The following RTL4 variants were observed in gnomAD, a reference collection of about 807,000 sequenced individuals.
RTL4 encodes the protein retrotransposon Gag-like protein 4.
A neutral mutation model predicts 5.3 loss-of-function variants in RTL4; 4 were observed. The observed-to-expected ratio is 0.75, with a 90% CI of 0.37 to 1.72. The LOEUF is 1.72. RTL4 is among the 40% of genes most tolerant of loss of function. RTL4 has a pLI of 0.04. For missense variants in RTL4, 260 were observed against 227.1 expected, an observed-to-expected ratio of 1.14 and a Z score of -0.93; for synonymous variants, 98 against 87.3, an observed-to-expected ratio of 1.12 and a Z score of -0.68.
the RTL4 span, among the ~76,000 whole-genome samples, chrX:112,336,577 G>T: frequency 2.7e-5 from 3 of 111,871 alleles, no homozygotes; most frequent in African/African-American, 9.7e-5. Context: ...TTCTAAAACC[G>T]TACTGTGCAA....
the RTL4 span, among the ~76,000 whole-genome samples, chrX:112,154,887 T>G: frequency 9.0e-6 from 1 of 111,697 alleles, no homozygotes; most frequent in African/African-American, 3.3e-5. Context: ...GTATTGAAAT[T>G]TAATTGCCAA....
chrX:112,441,321 C>T, the RTL4 span, among the ~76,000 whole-genome samples: 1 of 111,327 alleles, frequency 9.0e-6, no homozygotes, highest in East Asian at 2.8e-4. Context: ...TAGACTGCCT[C>T]CTTTTACCCA....
At chrX:112,374,405 G>A in the RTL4 span, among the ~76,000 whole-genome samples, 3 of 111,283 alleles carry the variant, frequency 2.7e-5, no homozygotes, top group African/African-American at 9.8e-5. Flanking sequence ...TAACTTTATA[G>A]TAAAATTTAA....
the RTL4 span, among the ~76,000 whole-genome samples, chrX:112,353,003 C>T: frequency 5.4e-5 from 6 of 111,586 alleles, no homozygotes; most frequent in Non-Finnish European, 1.1e-4. Context: ...ACAAACAACC[C>T]CATCAAAAAG....
the RTL4 span, among the ~76,000 whole-genome samples, chrX:112,245,949 C>G: frequency 1.8e-5 from 2 of 112,605 alleles, no homozygotes; most frequent in East Asian, 5.6e-4. Flanking sequence ...TTCTAACAGT[C>G]AGGTCCCTCA....
At chrX:112,457,111 C>A (rs1602583878) in exon 1 of RTL4, 2 of 123,248 alleles carry the variant, frequency 1.6e-5, no homozygotes, top group African/African-American at 6.5e-5. Context: ...ACCATCAAGG[C>A]CTCTCAGAAC....
chrX:112,368,772 A>T, the RTL4 span, among the ~76,000 whole-genome samples: 1 of 112,320 alleles, frequency 8.9e-6, no homozygotes, highest in Non-Finnish European at 1.9e-5. Context: ...CTGACAAGCT[A>T]AAGTGCTTAT....
chrX:112,215,172 G>T, the RTL4 span, among the ~76,000 whole-genome samples: 2 of 111,537 alleles, frequency 1.8e-5, no homozygotes, highest in Non-Finnish European at 3.8e-5. Context: ...GGGGGTTCAT[G>T]TATCATGTTG....
At chrX:112,259,544 G>A in the RTL4 span, among the ~76,000 whole-genome samples, 1 of 109,768 alleles carries the variant, frequency 9.1e-6, no homozygotes, top group African/African-American at 3.3e-5. Context: ...GGCAAAAACC[G>A]CAATTACTTT....
the RTL4 span, among the ~76,000 whole-genome samples, chrX:112,322,315 CT>C: frequency 9.3e-6 from 1 of 107,141 alleles, no homozygotes; most frequent in African/African-American, 3.5e-5. Context: ...AGGACATCAT[CT>C]TTTCATTAAT....
the RTL4 span, among the ~76,000 whole-genome samples, chrX:112,324,187 T>G: frequency 8.9e-6 from 1 of 112,559 alleles, no homozygotes; most frequent in African/African-American, 3.2e-5. Flanking sequence ...ATACAATATG[T>G]GGCCTTTCGT....
chrX:112,199,644 G>C, the RTL4 span, among the ~76,000 whole-genome samples: 1 of 111,483 alleles, frequency 9.0e-6, no homozygotes, highest in African/African-American at 3.3e-5. Context: ...GGATTATTTG[G>C]TTAAAAGTTA....
chrX:112,294,750 A>G, the RTL4 span, among the ~76,000 whole-genome samples: 2 of 112,423 alleles, frequency 1.8e-5, no homozygotes, highest in East Asian at 5.6e-4. Context: ...GGGAATTTAT[A>G]ACATGTTCTT....
At chrX:112,436,409 A>G in the RTL4 span, among the ~76,000 whole-genome samples, 3 of 111,498 alleles carry the variant, frequency 2.7e-5, no homozygotes, top group South Asian at 7.5e-4. Flanking sequence ...AAAAAAATCA[A>G]TAATTTAAAG....
chrX:112,209,508 G>T, the RTL4 span, among the ~76,000 whole-genome samples: 1 of 111,632 alleles, frequency 9.0e-6, no homozygotes, highest in Non-Finnish European at 1.9e-5. Context: ...AACCATCTGT[G>T]AACCAGGCCC....
chrX:112,209,152 C>T, the RTL4 span, among the ~76,000 whole-genome samples: 2 of 112,307 alleles, frequency 1.8e-5, no homozygotes, highest in South Asian at 3.7e-4. Context: ...TGAGGTCATC[C>T]GTTGGTGAGC....
the RTL4 span, among the ~76,000 whole-genome samples, chrX:112,126,027 C>T: frequency 2.7e-5 from 3 of 111,204 alleles, no homozygotes; most frequent in Non-Finnish European, 3.8e-5. Flanking sequence ...CGATACTATC[C>T]CTATTAAAGT....
At chrX:112,129,040 G>A in the RTL4 span, among the ~76,000 whole-genome samples, 3 of 111,208 alleles carry the variant, frequency 2.7e-5, no homozygotes, top group Non-Finnish European at 3.8e-5. Context: ...TTGAATAGAC[G>A]TTTACCCAAA....
chrX:112,087,154 A>G, the RTL4 span, among the ~76,000 whole-genome samples: 1 of 110,936 alleles, frequency 9.0e-6, no homozygotes, highest in Non-Finnish European at 1.9e-5. Context: ...GAAGGCTCCA[A>G]TTGTGTCTTG....
Sources: gnomAD v4.1 joint callset for allele counts (sites outside exome capture counted in the v4.1 genomes callset) on GRCh38, gnomAD v4.1.1 for gene constraint, MANE v1.5 for transcripts, NCBI Gene and HGNC (gene_info 2026-07-23, HGNC 2026-07-21) for gene names.